The following PARN variants were observed in gnomAD, a reference collection of about 807,000 sequenced individuals.
The protein encoded by PARN is poly(A)-specific ribonuclease.
PARN carries 71 observed loss-of-function variants against 102.8 expected under a neutral mutation model. The ratio of observed to expected loss-of-function variants is 0.69; its 90% CI spans 0.57 to 0.84. PARN has a LOEUF of 0.84. PARN is among the 40% of genes least tolerant of loss of function. The probability of loss-of-function intolerance (pLI) is 0.00; values close to 1 mark genes in which losing one functional copy is unlikely to be tolerated. For synonymous variants in PARN, 261 were observed against 252.9 expected, an observed-to-expected ratio of 1.03 and a Z score of -0.30; for missense variants, 782 against 760.9, an observed-to-expected ratio of 1.03 and a Z score of -0.33.
chr16:14,443,454 C>T (rs1315700227), intron 23 of PARN, among the ~76,000 whole-genome samples: 1 of 151,676 alleles, frequency 6.6e-6, no homozygotes, highest in African/African-American at 2.4e-5. Context: ...GATTCTCCTG[C>T]CTCAGCCTCC....
At chr16:14,483,656 A>G (rs1473046348) in intron 21 of PARN, among the ~76,000 whole-genome samples, 1 of 151,988 alleles carries the variant, frequency 6.6e-6, no homozygotes, top group East Asian at 1.9e-4. Context: ...CCTCACCCTC[A>G]TGCCTGTTTT....
At chr16:14,624,476 T>C (rs1482263676) in intron 5 of PARN, among the ~76,000 whole-genome samples, 1 of 152,212 alleles carries the variant, frequency 6.6e-6, no homozygotes, top group African/African-American at 2.4e-5. Flanking sequence ...TTCAAGTCTA[T>C]GATAGCTTTT....
chr16:14,548,640 T>C (rs561293339), intron 21 of PARN, among the ~76,000 whole-genome samples: 1 of 152,174 alleles, frequency 6.6e-6, no homozygotes, highest in South Asian at 2.1e-4. Flanking sequence ...TGAGGTTCAA[T>C]ACCCTACAAA....
chr16:14,510,925 C>G (rs1024605161), intron 21 of PARN, among the ~76,000 whole-genome samples: 1 of 152,152 alleles, frequency 6.6e-6, no homozygotes, highest in African/African-American at 2.4e-5. Flanking sequence ...GGCAATTTTT[C>G]TTTTCAGAAA....
At chr16:14,622,568 G>A (rs62037482) in intron 5 of PARN, among the ~76,000 whole-genome samples, 5 of 152,228 alleles carry the variant, frequency 3.3e-5, no homozygotes, top group African/African-American at 7.2e-5. Flanking sequence ...GCAGTGGCGC[G>A]ATCTTGGCTC....
intron 22 of PARN, among the ~76,000 whole-genome samples, chr16:14,462,224 G>A (rs1379559293): frequency 1.3e-5 from 2 of 152,016 alleles, no homozygotes; most frequent in African/African-American, 4.8e-5. Context: ...AAGGAATATT[G>A]TGAAGACAAG....
chr16:14,580,112 C>T (rs1969425956), intron 18 of PARN, among the ~76,000 whole-genome samples: 1 of 152,076 alleles, frequency 6.6e-6, no homozygotes, highest in African/African-American at 2.4e-5. Flanking sequence ...ATGTTTTCTA[C>T]AGGCGCCCGC....
intron 22 of PARN, among the ~76,000 whole-genome samples, chr16:14,474,181 G>C (rs1567303648): frequency 6.6e-6 from 1 of 151,918 alleles, no homozygotes; most frequent in Non-Finnish European, 1.5e-5. Context: ...TTGTTTGTTT[G>C]TTTTTTGGAG....
chr16:14,593,425 T>C (rs1197465196), intron 12 of PARN, 47 bp from the exon 13 acceptor site: 1 of 869,242 alleles, frequency 1.2e-6, no homozygotes, highest in East Asian at 2.7e-5. Context: ...TTCGAAATTA[T>C]ACTGGGGTTT....
intron 12 of PARN, among the ~76,000 whole-genome samples, chr16:14,596,467 G>T (rs1415313409): frequency 1.3e-5 from 2 of 152,060 alleles, no homozygotes; most frequent in South Asian, 4.1e-4. Flanking sequence ...GGGTGTGGTG[G>T]CTCGTGCCTA....
intron 22 of PARN, among the ~76,000 whole-genome samples, chr16:14,469,306 T>C (rs189453530): frequency 6.6e-6 from 1 of 152,188 alleles, no homozygotes; most frequent in Admixed American, 6.5e-5. Context: ...CACTCCAGCC[T>C]GGGCAACAAA....
chr16:14,590,023 G>A (rs958459487), intron 13 of PARN, among the ~76,000 whole-genome samples: 13 of 151,662 alleles, frequency 8.6e-5, no homozygotes, highest in African/African-American at 2.4e-4. Context: ...GGCAGAGGCC[G>A]GTGGATCCCC....
chr16:14,513,435 A>G (rs1010924569), intron 21 of PARN, among the ~76,000 whole-genome samples: 5 of 152,174 alleles, frequency 3.3e-5, no homozygotes, highest in Admixed American at 3.3e-4. Flanking sequence ...TGGGAGTCCT[A>G]TAAAATCCTG....
At chr16:14,589,770 G>A (rs891772146) in intron 13 of PARN, among the ~76,000 whole-genome samples, 1 of 151,716 alleles carries the variant, frequency 6.6e-6, no homozygotes, top group Non-Finnish European at 1.5e-5. Flanking sequence ...AGGAGGCTGA[G>A]GCAGAAGAAT....
chr16:14,594,540 T>C (rs932570259), intron 12 of PARN, among the ~76,000 whole-genome samples: 5 of 151,920 alleles, frequency 3.3e-5, no homozygotes, highest in Non-Finnish European at 7.4e-5. Flanking sequence ...CATGGCAAAA[T>C]CCTGTATCTA....
Position 14,629,624 on chromosome 16 carries a change from A to G in PARN, c.70T>C (p.Phe24Leu). Reference protein sequence around the residue: ...KVYQAIEEADFFAIDGEFSGI... With the variant: ...KVYQAIEEADLFAIDGEFSGI... Reference sequence around the variant, plus strand: ...GAAAACTCCCCATCGATGGCGAAGAAGTCGGCCTCCTCTATGGCCTGGTAC... The same window carrying G: ...GAAAACTCCCCATCGATGGCGAAGAGGTCGGCCTCCTCTATGGCCTGGTAC... The change falls in exon 2 of 24, where the codon TTC becomes CTC. Residue 24 changes from phenylalanine to leucine, a missense_variant. Phe to Leu is a conservative substitution (Grantham distance 22, BLOSUM62 0). Coordinates refer to ENST00000437198, the MANE Select transcript of PARN (RefSeq NM_002582.4). The G allele has an allele frequency of 6.2e-7, 1 of 1,613,624 alleles. No homozygotes were observed. The highest frequency in any genetic ancestry group is 1.7e-5 in the Admixed American group (1 of 60,028).
At chr16:14,482,901 G>T in intron 21 of PARN, 74 bp from the exon 22 acceptor site, 4 of 1,280,894 alleles carry the variant, frequency 3.1e-6, no homozygotes, top group Non-Finnish European at 4.2e-6. Flanking sequence ...CTTTTGAAAT[G>T]TGGCCTAAGG....
intron 21 of PARN, among the ~76,000 whole-genome samples, chr16:14,550,545 A>G (rs1348872925): frequency 6.6e-6 from 1 of 152,236 alleles, no homozygotes; most frequent in Non-Finnish European, 1.5e-5. Context: ...GTGATGCTGC[A>G]GTATGATTCC....
At chr16:14,499,839 G>GTC (rs1480202908) in intron 21 of PARN, among the ~76,000 whole-genome samples, 1 of 152,160 alleles carries the variant, frequency 6.6e-6, no homozygotes, top group Non-Finnish European at 1.5e-5. Context: ...AGGGAACCCT[G>GTC]TCTCCAAAAA....
Sources: gnomAD v4.1 joint callset for allele counts (sites outside exome capture counted in the v4.1 genomes callset) on GRCh38, gnomAD v4.1.1 for gene constraint, MANE v1.5 for transcripts, NCBI Gene and HGNC (gene_info 2026-07-23, HGNC 2026-07-21) for gene names.